Variants in CDK17 observed in about 807,000 individuals in gnomAD.
CDK17 encodes the protein cyclin dependent kinase 17, also known as cyclin-dependent kinase 17.
In CDK17, 24 loss-of-function variants were observed where a neutral mutation model predicts 77.6. The observed-to-expected ratio is 0.31, with a 90% CI of 0.22 to 0.44. CDK17 has a LOEUF of 0.44. CDK17 is among the 20% of genes least tolerant of loss of function. The pLI, the probability that CDK17 is intolerant of heterozygous loss-of-function variation, is 1.00. For synonymous variants in CDK17, 203 were observed against 210.4 expected (o/e 0.96, Z 0.30); for missense variants, 429 against 622.5 (o/e 0.69, Z 3.31).
chr12:96,292,246 C>CATTT (rs1952334236), intron 10 of CDK17, among the ~76,000 whole-genome samples: 1 of 152,100 alleles, frequency 6.6e-6, no homozygotes, highest in South Asian at 2.1e-4. Flanking sequence ...CATTTAATGA[C>CATTT]AGTGAAGAGT....
chr12:96,297,826 C>G (rs1952430993), intron 7 of CDK17, 105 bp from the exon 8 acceptor site: 7 of 630,694 alleles, frequency 1.1e-5, no homozygotes, highest in Non-Finnish European at 1.9e-5. Flanking sequence ...AAGTTTAGGT[C>G]TTGGGCGGTG....
intron 2 of CDK17, among the ~76,000 whole-genome samples, chr12:96,333,729 G>A (rs1953003154): frequency 6.6e-6 from 1 of 151,798 alleles, no homozygotes; most frequent in African/African-American, 2.4e-5. Flanking sequence ...TGAATGAAAG[G>A]GTCCTTGCAG....
At chr12:96,362,784 A>C (rs546098212) in intron 1 of CDK17, among the ~76,000 whole-genome samples, 27 of 152,326 alleles carry the variant, frequency 1.8e-4, no homozygotes, top group South Asian at 4.1e-4. Flanking sequence ...AATGTAGCCC[A>C]CAGCAATGAT....
rs574287426 is a variant in CDK17, at chr12:96,316,677, G to T, written c.284-3223C>A. Among the ~76,000 whole-genome samples the T allele has an allele frequency of 4.5e-4, 57 of 127,342 alleles. 5 individuals are homozygous for T. Among genetic ancestry groups the T allele is most frequent in the Non-Finnish European group, 7.0e-4 (42 of 59,748 alleles). 83.5% of individuals were successfully genotyped at this position (127,342 alleles called of 152,430 possible). On this transcript the variant is annotated intron_variant, in intron 3 of 16. Transcript: ENST00000261211. ...GACCCCCGAGCAGCCTAACTGTGAG[G>T]CACCCCCCAGCAGGGGCACACTGAC...
chr12:96,343,348 G>GT (rs1490340744), intron 1 of CDK17, among the ~76,000 whole-genome samples: 1 of 152,238 alleles, frequency 6.6e-6, no homozygotes, highest in Admixed American at 6.5e-5. Flanking sequence ...TGCCACAACA[G>GT]TAAGGAATAG....
At chr12:96,395,813 C>G (rs1954159140) in intron 1 of CDK17, among the ~76,000 whole-genome samples, 1 of 152,152 alleles carries the variant, frequency 6.6e-6, no homozygotes, top group Non-Finnish European at 1.5e-5. Context: ...CCTCCCCTCC[C>G]TCCCACTTCA....
intron 1 of CDK17, among the ~76,000 whole-genome samples, chr12:96,338,579 T>C (rs1982222): frequency 0.86 from 131,142 of 152,022 alleles, 56,561 homozygotes; most frequent in African/African-American, 0.87. Flanking sequence ...TTAGTAGAGA[T>C]GGAGTTTTGC....
At chr12:96,375,530 T>C (rs906595206) in intron 1 of CDK17, among the ~76,000 whole-genome samples, 7 of 150,678 alleles carry the variant, frequency 4.6e-5, no homozygotes, top group Non-Finnish European at 1.0e-4. Flanking sequence ...TTTTTTTTTT[T>C]TGAGACAGAG....
chr12:96,348,468 G>A (rs1464094444), intron 1 of CDK17, among the ~76,000 whole-genome samples: 6 of 144,290 alleles, frequency 4.2e-5, no homozygotes, highest in South Asian at 2.2e-4. Context: ...AGGTTGCAGC[G>A]AGCCGAGGTC....
intron 11 of CDK17, 140 bp downstream of exon 11, chr12:96,289,027 G>T: frequency 1.2e-6 from 1 of 818,548 alleles, no homozygotes; most frequent in Non-Finnish European, 1.9e-6. Flanking sequence ...TAATTCCCAT[G>T]CCAGAACTCA....
At chr12:96,388,594 G>C (rs1024128140) in intron 1 of CDK17, among the ~76,000 whole-genome samples, 9 of 152,168 alleles carry the variant, frequency 5.9e-5, no homozygotes, top group Admixed American at 2.0e-4. Flanking sequence ...TCAATGTGAA[G>C]CAATGGATTA....
chr12:96,318,763 C>T (rs1464354518), intron 3 of CDK17, among the ~76,000 whole-genome samples: 2 of 139,204 alleles, frequency 1.4e-5, no homozygotes, highest in Admixed American at 7.3e-5. Flanking sequence ...AGAACAAAGA[C>T]ACAACATACC....
chr12:96,280,698 T>C (rs1952166122), intron 16 of CDK17, 110 bp downstream of exon 16: 2 of 1,510,896 alleles, frequency 1.3e-6, no homozygotes, highest in Middle Eastern at 2.0e-4. Context: ...TGGAATGCAC[T>C]GTACATTGGT....
intron 11 of CDK17, among the ~76,000 whole-genome samples, chr12:96,288,441 A>T (rs1216472221): frequency 6.6e-6 from 1 of 152,202 alleles, no homozygotes; most frequent in East Asian, 1.9e-4. Context: ...TGGGCATTCC[A>T]GATGGGTGGA....
At chr12:96,392,937 T>C (rs765518672) in intron 1 of CDK17, among the ~76,000 whole-genome samples, 2 of 152,190 alleles carry the variant, frequency 1.3e-5, no homozygotes, top group African/African-American at 4.8e-5. Context: ...TTAAATTATA[T>C]TGTTACAACA....
At chr12:96,317,148 T>A (rs1174252180) in intron 3 of CDK17, among the ~76,000 whole-genome samples, 2 of 147,942 alleles carry the variant, frequency 1.4e-5, no homozygotes, top group African/African-American at 5.0e-5. Context: ...GCTCGAGAAC[T>A]ACATGAAGAA....
chr12:96,280,728 C>A, intron 16 of CDK17, 80 bp downstream of exon 16: 1 of 1,570,760 alleles, frequency 6.4e-7, no homozygotes, highest in South Asian at 1.2e-5. Flanking sequence ...AATAATTTTA[C>A]TGATCAATTT....
intron 13 of CDK17, among the ~76,000 whole-genome samples, chr12:96,284,207 A>C (rs1952214963): frequency 6.6e-6 from 1 of 152,184 alleles, no homozygotes; most frequent in South Asian, 2.1e-4. Flanking sequence ...GCAGTGGCTC[A>C]CGCCTGTAAT....
At chr12:96,369,036 G>C (rs1395520891) in intron 1 of CDK17, among the ~76,000 whole-genome samples, 1 of 152,008 alleles carries the variant, frequency 6.6e-6, no homozygotes, top group Non-Finnish European at 1.5e-5. Flanking sequence ...TGACTTTCAA[G>C]TTAGAATTCA....
Sources: gnomAD v4.1 joint callset for allele counts (sites outside exome capture counted in the v4.1 genomes callset) on GRCh38, gnomAD v4.1.1 for gene constraint, MANE v1.5 for transcripts, NCBI Gene and HGNC (gene_info 2026-07-23, HGNC 2026-07-21) for gene names.